Variants in PIK3AP1 observed in about 807,000 individuals in gnomAD.
PIK3AP1 encodes the protein phosphoinositide 3-kinase adapter protein 1.
In PIK3AP1, 21 loss-of-function variants were observed where a neutral mutation model predicts 88.1. The observed-to-expected ratio is 0.24, with a 90% CI of 0.17 to 0.34. The LOEUF (loss-of-function observed/expected upper bound fraction) is 0.34, where lower values mean the gene tolerates loss of function less well. PIK3AP1 is among the 10% of genes least tolerant of loss of function. The pLI is 1.00. For missense variants in PIK3AP1, 828 were observed against 1,035.7 expected, an observed-to-expected ratio of 0.80 and a Z score of 2.75; for synonymous variants, 398 against 400.0, an observed-to-expected ratio of 1.00 and a Z score of 0.06.
At chr10:96,701,866 A>G (rs1844302341) in intron 2 of PIK3AP1, among the ~76,000 whole-genome samples, 1 of 152,222 alleles carries the variant, frequency 6.6e-6, no homozygotes, top group Admixed American at 6.5e-5. Context: ...ATTAGAACTT[A>G]CAGGGGTTTT....
intron 8 of PIK3AP1, among the ~76,000 whole-genome samples, chr10:96,639,077 A>G (rs1246808496): frequency 6.6e-6 from 1 of 152,264 alleles, no homozygotes; most frequent in Admixed American, 6.5e-5. Context: ...CAATTTAGGC[A>G]GAAGGAAGAG....
In PIK3AP1 at chr10:96,648,553, A is replaced by G. The variant is rs556181157; in HGVS notation, c.1185+106T>C. On this transcript the variant is annotated intron_variant, in intron 7 of 16. Coordinates refer to ENST00000339364, the MANE Select transcript of PIK3AP1 (RefSeq NM_152309.3). ...TACTGCCCATGGCCAGAAGAGGTAC[A>G]TGAGGACATGCTAGAGATAAAATCT... 7.4e-6 allele frequency: 9 copies of G among 1,223,364 alleles called. No individual in the cohort carries two copies. The East Asian group carries it at 2.6e-4, about 36-fold the overall frequency. The allele number at this position is 1,223,364 out of a possible 1,614,324, so 75.8% of individuals were successfully genotyped here. A position where few individuals can be genotyped will look rare whatever the true frequency, so the allele number is the denominator to read the frequency against.
intron 1 of PIK3AP1, among the ~76,000 whole-genome samples, chr10:96,711,828 G>A: frequency 7.5e-6 from 1 of 134,044 alleles, no homozygotes. Context: ...TCGGTTCACT[G>A]CAAGCTCCGC....
intron 2 of PIK3AP1, among the ~76,000 whole-genome samples, chr10:96,664,554 A>T (rs1041211300): frequency 3.3e-5 from 5 of 150,946 alleles, no homozygotes; most frequent in African/African-American, 9.9e-5. Context: ...TCATTTTTTT[A>T]AAATAGGCAC....
chr10:96,650,729 A>G (rs1843525793), intron 6 of PIK3AP1, among the ~76,000 whole-genome samples: 1 of 152,234 alleles, frequency 6.6e-6, no homozygotes, highest in Non-Finnish European at 1.5e-5. Flanking sequence ...GGTAAACAGC[A>G]ACCAAGGCAG....
rs1844555387 is a variant in PIK3AP1 at position 96,720,340 on chromosome 10, A to G, written c.13+42T>C. On this transcript the variant is annotated intron_variant, in intron 1 of 16. Coordinates refer to ENST00000339364, the MANE Select transcript of PIK3AP1 (RefSeq NM_152309.3). The surrounding 1 kb of genome is among the most constrained non-coding windows in gnomAD (Gnocchi z 4.6). ...CCTCAAGGGATGCGGGGTACGAGAG[A>G]GGGGCCGGGAGCCCGGGGACCCGCG... 4.8e-6 allele frequency: 6 copies of G among 1,242,672 alleles called. No homozygotes were observed. Among genetic ancestry groups the G allele is most frequent in the Middle Eastern group, 2.7e-4 (1 of 3,638 alleles). 77.0% of individuals were successfully genotyped at this position (1,242,672 alleles called of 1,614,324 possible). A position where few individuals can be genotyped will look rare whatever the true frequency, so the allele number is the denominator to read the frequency against.
chr10:96,639,723 G>A (rs373523314), intron 8 of PIK3AP1, among the ~76,000 whole-genome samples: 1 of 152,184 alleles, frequency 6.6e-6, no homozygotes, highest in East Asian at 1.9e-4. Flanking sequence ...GCATCTCTTG[G>A]CTCTACTCGC....
At chr10:96,638,077 AT>A in intron 8 of PIK3AP1, among the ~76,000 whole-genome samples, 1 of 152,282 alleles carries the variant, frequency 6.6e-6, no homozygotes, top group South Asian at 2.1e-4. Flanking sequence ...GAATGAATGT[AT>A]TTTGCATGTG....
chr10:96,599,186 A>AG (rs1213453959), intron 16 of PIK3AP1, among the ~76,000 whole-genome samples: 2 of 152,100 alleles, frequency 1.3e-5, no homozygotes, highest in Admixed American at 6.5e-5. Flanking sequence ...GAGAGCTGTG[A>AG]GGGGGGCAGG....
In PIK3AP1 at chr10:96,713,332, T is replaced by C. The variant is rs190296391; in HGVS notation, c.14-3349A>G. ...CTAACACGGTGAAACCCCGTCTCTA[T>C]TAAAAATACAAAAAAAAAAAAATTA... On this transcript the variant is annotated intron_variant, in intron 1 of 16. Coordinates refer to ENST00000339364, the MANE Select transcript of PIK3AP1 (RefSeq NM_152309.3). Among the ~76,000 whole-genome samples the C allele has an allele frequency of 7.6e-4, 112 of 146,804 alleles. 4 individuals are homozygous for C. The East Asian group carries it at 0.019, about 24-fold the overall frequency.
chr10:96,668,650 T>C (rs1843798836), intron 2 of PIK3AP1, among the ~76,000 whole-genome samples: 3 of 152,150 alleles, frequency 2.0e-5, no homozygotes, highest in Non-Finnish European at 2.9e-5. Context: ...GTCTCTGTGC[T>C]GGGACAAAGT....
At chr10:96,620,202 C>T (rs980495177) in intron 12 of PIK3AP1, 150 bp downstream of exon 12, 2 of 846,460 alleles carry the variant, frequency 2.4e-6, no homozygotes, top group African/African-American at 1.7e-5. Context: ...CACTCATACA[C>T]ACTCACTGGT....
chr10:96,690,530 A>G (rs1216033431), intron 2 of PIK3AP1, among the ~76,000 whole-genome samples: 1 of 152,156 alleles, frequency 6.6e-6, no homozygotes, highest in Non-Finnish European at 1.5e-5. Context: ...AAGTGCTGGA[A>G]TTATAGGTGT....
At chr10:96,640,770 AC>A (rs1255599797) in intron 8 of PIK3AP1, among the ~76,000 whole-genome samples, 1 of 151,436 alleles carries the variant, frequency 6.6e-6, no homozygotes, top group Non-Finnish European at 1.5e-5. Flanking sequence ...CGATTCTCCC[AC>A]CAGAGCCTCC....
chr10:96,713,615 C>T (rs1844466772), intron 1 of PIK3AP1, among the ~76,000 whole-genome samples: 2 of 151,554 alleles, frequency 1.3e-5, no homozygotes, highest in Admixed American at 1.3e-4. Context: ...GACTGAGAGG[C>T]AGCTTGGGTT....
rs187934780 is a variant in PIK3AP1, at chr10:96,627,010, C to T, written c.1472-105G>A. The T allele has an allele frequency of 2.8e-6, 3 of 1,087,370 alleles. No homozygotes were observed. In the Admixed American group the frequency reaches 5.3e-5, roughly 19 times the overall value. The allele number at this position is 1,087,370 out of a possible 1,614,324, so 67.4% of individuals were successfully genotyped here. ...CCTTACTTTGTTTCCTCAGTGCTGC[C>T]CCCTGGCAAAGGACTTTCCCCAATA... On this transcript the variant is annotated intron_variant, in intron 9 of 16. Coordinates refer to ENST00000339364, the MANE Select transcript of PIK3AP1 (RefSeq NM_152309.3).
chr10:96,633,989 C>T (rs574650964), intron 8 of PIK3AP1, among the ~76,000 whole-genome samples: 4 of 152,292 alleles, frequency 2.6e-5, no homozygotes, highest in African/African-American at 9.6e-5. Flanking sequence ...GGCTTCTTCC[C>T]TCCTTGGTGA....
At chr10:96,651,925 G>A (rs1259083457) in intron 4 of PIK3AP1, among the ~76,000 whole-genome samples, 1 of 152,134 alleles carries the variant, frequency 6.6e-6, no homozygotes, top group Admixed American at 6.5e-5. Context: ...ACTCACTACT[G>A]TAGGCCCAGT....
Position 96,638,017 on chromosome 10 carries a change from C to A in PIK3AP1, c.1375+7456G>T, listed in dbSNP as rs142035696. ...AGGCCTTTGGGCTACGTACTTTGGA[C>A]TTCTGAGTTGATGCTGGAACGAGTT... On this transcript the variant is annotated intron_variant, in intron 8 of 16. Transcript: ENST00000339364. Among the ~76,000 whole-genome samples, 932 of 152,286 alleles carry A rather than the reference C, an allele frequency of 6.1e-3. 11 individuals carry two copies. The highest frequency in any genetic ancestry group is 0.021 in the African/African-American group (857 of 41,554).
Sources: gnomAD v4.1 joint callset for allele counts (sites outside exome capture counted in the v4.1 genomes callset) on GRCh38, gnomAD v4.1.1 for gene constraint, Gnocchi (gnomAD v3.1) non-coding constraint, MANE v1.5 for transcripts, NCBI Gene and HGNC (gene_info 2026-07-23, HGNC 2026-07-21) for gene names.